Variants in IFT56 observed in about 807,000 individuals in gnomAD.
The protein encoded by IFT56 is intraflagellar transport protein 56.
the IFT56 span, among the ~76,000 whole-genome samples, chr7:139,150,624 AT>A: frequency 6.6e-6 from 1 of 152,178 alleles, no homozygotes; most frequent in African/African-American, 2.4e-5. Flanking sequence ...TTTGGTACCA[AT>A]AAGATAGAGT....
At chr7:139,181,927 G>GA in the IFT56 span, among the ~76,000 whole-genome samples, 5 of 152,252 alleles carry the variant, frequency 3.3e-5, no homozygotes, top group South Asian at 1.0e-3. Flanking sequence ...CTGAAGCCCT[G>GA]AAAAACAGTG....
At chr7:139,147,215 T>G in the IFT56 span, 1 of 1,613,724 alleles carries the variant, frequency 6.2e-7, no homozygotes, top group South Asian at 1.1e-5. Context: ...CAACTCAGTT[T>G]GGCCTCAATC....
At chr7:139,173,945 T>G in the IFT56 span, 2 of 686,958 alleles carry the variant, frequency 2.9e-6, no homozygotes, top group Non-Finnish European at 5.5e-6. Flanking sequence ...TTTCTTCACT[T>G]ATTCTTCATC....
chr7:139,157,186 G>A, the IFT56 span, among the ~76,000 whole-genome samples: 1 of 53,304 alleles, frequency 1.9e-5, no homozygotes, highest in Admixed American at 2.4e-4. Context: ...TGCTCTTGTT[G>A]CCCAGGCTGG....
chr7:139,184,776 C>G, the IFT56 span, among the ~76,000 whole-genome samples: 12 of 152,230 alleles, frequency 7.9e-5, no homozygotes, highest in East Asian at 2.3e-3. Context: ...CTGGGCAGGC[C>G]GGGCGTGGTG....
chr7:139,149,939 A>G, the IFT56 span, among the ~76,000 whole-genome samples: 1 of 152,052 alleles, frequency 6.6e-6, no homozygotes, highest in Non-Finnish European at 1.5e-5. Context: ...ACATACATAG[A>G]TATAGAATAG....
At chr7:139,145,697 T>C in the IFT56 span, among the ~76,000 whole-genome samples, 1 of 152,062 alleles carries the variant, frequency 6.6e-6, no homozygotes, top group East Asian at 1.9e-4. Flanking sequence ...ATTATAGGCG[T>C]GAGCCACTGC....
At chr7:139,159,760 T>A in the IFT56 span, among the ~76,000 whole-genome samples, 1 of 152,214 alleles carries the variant, frequency 6.6e-6, no homozygotes, top group Non-Finnish European at 1.5e-5. Context: ...AGTAAAAAAA[T>A]ATGTATGTCA....
At chr7:139,186,894 A>C in the IFT56 span, among the ~76,000 whole-genome samples, 1 of 150,904 alleles carries the variant, frequency 6.6e-6, no homozygotes, top group Admixed American at 6.6e-5. Context: ...GGAGATCGAG[A>C]CCATCCTGGC....
chr7:139,137,986 GT>G, the IFT56 span: 1 of 1,159,040 alleles, frequency 8.6e-7, no homozygotes. Context: ...TGTTTAAAAT[GT>G]TATTAAACTT....
the IFT56 span, chr7:139,146,934 G>A: frequency 6.9e-7 from 1 of 1,443,282 alleles, no homozygotes; most frequent in South Asian, 1.2e-5. Flanking sequence ...GCTTTCCATT[G>A]TCGTTGTCAA....
At chr7:139,147,418 T>C in the IFT56 span, 1 of 803,070 alleles carries the variant, frequency 1.2e-6, no homozygotes, top group Non-Finnish European at 1.9e-6. Flanking sequence ...GTTGATAATT[T>C]GGTGAGATTA....
chr7:139,185,880 G>T, the IFT56 span, among the ~76,000 whole-genome samples: 1 of 151,890 alleles, frequency 6.6e-6, no homozygotes, highest in African/African-American at 2.4e-5. Flanking sequence ...AAATCTTCGC[G>T]TGAGATTAGG....
At chr7:139,161,296 G>C in the IFT56 span, 1 of 374,204 alleles carries the variant, frequency 2.7e-6, no homozygotes, top group Non-Finnish European at 4.7e-6. Context: ...ACAAAGGAAC[G>C]TATCCCTCTG....
the IFT56 span, among the ~76,000 whole-genome samples, chr7:139,166,558 C>T: frequency 1.7e-5 from 2 of 116,446 alleles, no homozygotes; most frequent in Non-Finnish European, 3.1e-5. Context: ...GAAATCATTG[C>T]TTTTCTTATC....
the IFT56 span, among the ~76,000 whole-genome samples, chr7:139,178,845 C>T: frequency 6.6e-6 from 1 of 151,814 alleles, no homozygotes; most frequent in African/African-American, 2.4e-5. Flanking sequence ...ATGATCGTGC[C>T]TGTGAATAGC....
chr7:139,189,419 G>A, the IFT56 span: 3 of 1,612,170 alleles, frequency 1.9e-6, no homozygotes, highest in Admixed American at 5.0e-5. Context: ...AAAGAAAACA[G>A]AGTGTCCATC....
At chr7:139,163,167 AC>A in the IFT56 span, among the ~76,000 whole-genome samples, 1 of 151,428 alleles carries the variant, frequency 6.6e-6, no homozygotes, top group African/African-American at 2.4e-5. Flanking sequence ...ACACGGTGAA[AC>A]CCCGTCTCTA....
chr7:139,161,048 T>C, the IFT56 span: 2 of 1,597,734 alleles, frequency 1.3e-6, no homozygotes, highest in African/African-American at 1.3e-5. Flanking sequence ...CCGTCTTGAC[T>C]GAGTTCAGTC....
Sources: gnomAD v4.1 joint callset for allele counts (sites outside exome capture counted in the v4.1 genomes callset) on GRCh38, gnomAD v4.1.1 for gene constraint, MANE v1.5 for transcripts, NCBI Gene and HGNC (gene_info 2026-07-23, HGNC 2026-07-21) for gene names.